Variants in TNPO3 observed in about 807,000 individuals in gnomAD.
The protein encoded by TNPO3 is transportin-3.
Under a neutral mutation model 122.8 loss-of-function variants are expected in TNPO3, and 65 were observed. The ratio of observed to expected loss-of-function variants is 0.53; its 90% confidence interval spans 0.43 to 0.65. The LOEUF is 0.65. TNPO3 is among the 30% of genes least tolerant of loss of function. The pLI, the probability that TNPO3 is intolerant of heterozygous loss-of-function variation, is 0.00. For missense variants in TNPO3, 850 were observed against 1,136.7 expected, an observed-to-expected ratio of 0.75 and a Z score of 3.63; for synonymous variants, 372 against 411.2, an observed-to-expected ratio of 0.90 and a Z score of 1.15.
chr7:129,013,677 T>C (rs553985135), intron 4 of TNPO3, among the ~76,000 whole-genome samples: 2 of 152,322 alleles, frequency 1.3e-5, no homozygotes, highest in African/African-American at 4.8e-5. Context: ...CCATGTTTAT[T>C]GCAGCACTAT....
At chr7:129,006,165 CTACT>C (rs756978044) in intron 4 of TNPO3, among the ~76,000 whole-genome samples, 1 of 152,300 alleles carries the variant, frequency 6.6e-6, no homozygotes, top group African/African-American at 2.4e-5. Context: ...ATTATTGTCT[CTACT>C]TTCTCAATGG....
chr7:128,967,775 CTTTT>C (rs1485582535), intron 20 of TNPO3, among the ~76,000 whole-genome samples: 1 of 152,078 alleles, frequency 6.6e-6, no homozygotes, highest in African/African-American at 2.4e-5. Flanking sequence ...CTCGCTCTCT[CTTTT>C]TTGAGATAGG....
chr7:129,000,995 G>A lies in TNPO3; in HGVS notation c.872+64C>T. The A allele has an allele frequency of 2.6e-6, 4 of 1,534,912 alleles. No homozygotes were observed. The South Asian group carries it at 4.6e-5, about 18-fold the overall frequency. On this transcript the variant is annotated intron_variant, in intron 6 of 22. Coordinates refer to ENST00000265388, the MANE Select transcript of TNPO3 (RefSeq NM_012470.4). ...ACAAATGACAGACGAATAATAAAAA[G>A]TGACTTAAAAGAATGACCAGACTGT... is the stretch of plus-strand genomic sequence containing the variant.
chr7:128,989,812 C>A, intron 11 of TNPO3, 149 bp downstream of exon 11: 1 of 829,688 alleles, frequency 1.2e-6, no homozygotes, highest in Non-Finnish European at 1.9e-6. Context: ...CAAATAAGCA[C>A]TAACTTACAA....
chr7:129,029,822 A>C (rs1050897647), intron 1 of TNPO3: 1 of 152,198 alleles, frequency 6.6e-6, no homozygotes, highest in Non-Finnish European at 1.5e-5. Flanking sequence ...GGAGATCAAG[A>C]CCATCCTGGC....
chr7:129,056,079 T>A, upstream of TNPO3: 1 of 1,156,290 alleles, frequency 8.6e-7, no homozygotes, highest in Non-Finnish European at 1.3e-6. Context: ...GCGGAAGAAA[T>A]GTCTGGGGGA....
intron 4 of TNPO3, among the ~76,000 whole-genome samples, chr7:129,005,618 C>A (rs1295002079): frequency 6.6e-6 from 1 of 151,952 alleles, no homozygotes; most frequent in African/African-American, 2.4e-5. Flanking sequence ...CTCTCTCCTG[C>A]CGGCCGTGTG....
chr7:129,005,662 T>C (rs1340351896), intron 4 of TNPO3, among the ~76,000 whole-genome samples: 1 of 151,846 alleles, frequency 6.6e-6, no homozygotes, highest in African/African-American at 2.4e-5. Flanking sequence ...CCTTCCCCCA[T>C]GATTGTTAAG....
chr7:128,974,643 C>T (rs1210943132), intron 18 of TNPO3, among the ~76,000 whole-genome samples: 1 of 124,722 alleles, frequency 8.0e-6, no homozygotes, highest in Non-Finnish European at 1.9e-5. Context: ...GTGTGTGAGC[C>T]CTCCTTCCTG....
At chr7:129,054,545 A>C (rs1433032783) in intron 1 of TNPO3, 106 bp downstream of exon 1, 1 of 1,515,812 alleles carries the variant, frequency 6.6e-7, no homozygotes, top group South Asian at 1.2e-5. Flanking sequence ...CTCCTCCCCA[A>C]GGAGGACCTC....
intron 8 of TNPO3, among the ~76,000 whole-genome samples, chr7:128,996,682 G>A (rs1801357114): frequency 7.4e-6 from 1 of 135,792 alleles, no homozygotes; most frequent in South Asian, 2.4e-4. Flanking sequence ...GGCAGAGTTT[G>A]CAGTGAGCAG....
At chr7:128,979,928 A>C in intron 15 of TNPO3, 43 bp downstream of exon 15, 4 of 1,589,460 alleles carry the variant, frequency 2.5e-6, no homozygotes, top group South Asian at 1.1e-5. Flanking sequence ...TGTAAGGAAA[A>C]AAGAAGCAAG....
chr7:129,032,669 C>T (rs1584585664), intron 1 of TNPO3, among the ~76,000 whole-genome samples: 1 of 152,184 alleles, frequency 6.6e-6, no homozygotes, highest in East Asian at 1.9e-4. Flanking sequence ...GACTTGTATA[C>T]TGAAAATTAC....
chr7:129,032,764 A>G (rs781082173), intron 1 of TNPO3, among the ~76,000 whole-genome samples: 21 of 152,226 alleles, frequency 1.4e-4, no homozygotes, highest in South Asian at 4.1e-4. Flanking sequence ...AATATTGTTA[A>G]GATTTCAGTA....
At chr7:128,981,730 C>CT (rs767733981) in intron 14 of TNPO3, among the ~76,000 whole-genome samples, 242 of 138,182 alleles carry the variant, frequency 1.8e-3, no homozygotes, top group Middle Eastern at 7.3e-3. Context: ...TTTAAAGAGT[C>CT]TTTTTTTTTT....
At chr7:129,055,685 A>G (rs1809397257), upstream of TNPO3, 1 of 204,736 alleles carries the variant, frequency 4.9e-6, no homozygotes, top group Non-Finnish European at 9.9e-6. Flanking sequence ...AGCATTTTGC[A>G]TACATCTTTA....
intron 4 of TNPO3, among the ~76,000 whole-genome samples, chr7:129,010,483 G>A (rs1001266911): frequency 6.6e-6 from 1 of 152,080 alleles, no homozygotes; most frequent in Non-Finnish European, 1.5e-5. Context: ...TGAAATTATT[G>A]ATTAAGGTAG....
At chr7:129,033,491 C>T (rs1806189807) in intron 1 of TNPO3, among the ~76,000 whole-genome samples, 1 of 152,154 alleles carries the variant, frequency 6.6e-6, no homozygotes, top group Non-Finnish European at 1.5e-5. Context: ...GAACCCTTTG[C>T]ATCACTGGTG....
intron 1 of TNPO3, among the ~76,000 whole-genome samples, chr7:129,028,369 A>T (rs891661280): frequency 6.6e-6 from 1 of 152,210 alleles, no homozygotes; most frequent in Non-Finnish European, 1.5e-5. Context: ...TGCTAAGAGG[A>T]ATAAAATGTA....
Sources: allele counts gnomAD v4.1 joint callset (sites outside exome capture counted in the v4.1 genomes callset), GRCh38; gene constraint gnomAD v4.1.1; transcripts MANE v1.5; gene names NCBI Gene and HGNC (gene_info 2026-07-23, HGNC 2026-07-21).